CLEC3A: variants seen among roughly 807,000 people sequenced by gnomAD.
CLEC3A encodes the protein C-type (calcium dependent, carbohydrate-recognition domain) lectin, superfamily member 1 (cartilage-derived).
Under a neutral mutation model 20.4 loss-of-function variants are expected in CLEC3A, and 28 were observed. That is an observed-to-expected ratio of 1.37 (90% confidence interval 1.02 to 1.88). CLEC3A has a LOEUF of 1.88. Among genes scored for constraint, CLEC3A ranks in the 40% most tolerant of loss-of-function variants. The probability of loss-of-function intolerance (pLI) is 0.00; values close to 1 mark genes in which losing one functional copy is unlikely to be tolerated. For missense variants in CLEC3A, 357 were observed against 240.4 expected, an observed-to-expected ratio of 1.48 and a Z score of -3.21; for synonymous variants, 110 against 88.1, an observed-to-expected ratio of 1.25 and a Z score of -1.39.
rs541004698 is a variant in CLEC3A at position 78,030,821 on chromosome 16, G to A, written c.574G>A (p.Glu192Lys). The A allele has an allele frequency of 1.9e-6, 3 of 1,613,036 alleles. No individual in the cohort carries two copies. Among genetic ancestry groups the A allele is most frequent in the East Asian group, 2.2e-5 (1 of 44,854 alleles). ...ACRSSKRYICEFTIPQ is the reference protein window; with the variant it reads ...ACRSSKRYICKFTIPQ ...TCGCAGCAGCAAGAGATACATATGCGAGTTCACCATCCCTCAATAGGTCTT... is the reference window on the plus strand; with the variant it reads ...TCGCAGCAGCAAGAGATACATATGCAAGTTCACCATCCCTCAATAGGTCTT... The change falls in exon 3 of 3, where the codon GAG (glutamate) becomes AAG (lysine). Residue 192 changes from glutamate (E) to lysine (K), a missense_variant. By Grantham distance (56) the Glu-to-Lys change is moderately conservative. Coordinates refer to ENST00000299642, the MANE Select transcript of CLEC3A (RefSeq NM_005752.6).
rs2030088360 is a variant in CLEC3A, at chr16:78,031,045, T to C, written c.*204T>C. 3.6e-6 allele frequency: 2 copies of C among 554,470 alleles called. No homozygotes were observed. The highest frequency in any genetic ancestry group is 3.6e-5 in the Admixed American group (1 of 27,986). 34.3% of individuals were successfully genotyped at this position (554,470 alleles called of 1,614,324 possible). On this transcript the variant is annotated 3_prime_UTR_variant, in exon 3 of 3. Transcript: ENST00000299642. ...TTCCTGGGGTATAGGGGATCAGAAA[T>C]ATTGATCCATGTGCACGCAGATAAA...
chr16:78,026,102 C>T (rs1274041736), intron 1 of CLEC3A, among the ~76,000 whole-genome samples: 1 of 152,136 alleles, frequency 6.6e-6, no homozygotes. Context: ...AATGGTCACA[C>T]AGGTAAAAAT....
At chr16:78,030,173 G>C (rs910574651) in intron 2 of CLEC3A, among the ~76,000 whole-genome samples, 2 of 116,914 alleles carry the variant, frequency 1.7e-5, no homozygotes, top group Admixed American at 1.7e-4. Flanking sequence ...AAAAAAAAAT[G>C]CTAAGGTGTT....
chr16:78,030,485 C>T lies in CLEC3A; in HGVS notation c.238C>T (p.Leu80Phe). 1.2e-6 allele frequency: 2 copies of T among 1,611,728 alleles called. No homozygotes were observed. Among genetic ancestry groups the T allele is most frequent in the Non-Finnish European group, 1.7e-6 (2 of 1,178,504 alleles). Residue 80 changes from leucine (L) to phenylalanine (F), a missense_variant, in exon 3 of 3, where the codon CTT becomes TTT. Coordinates refer to ENST00000299642, the MANE Select transcript of CLEC3A (RefSeq NM_005752.6). The part of the protein sequence containing the change: ...RGTKVHKKCY[L>F]ASEGLKHFHE... ...CACTAAAGTTCACAAGAAATGCTAC[C>T]TTGCTTCAGAAGGTTTGAAGCATTT...
At chr16:78,028,690 G>T (rs1275187556) in intron 2 of CLEC3A, among the ~76,000 whole-genome samples, 3 of 152,242 alleles carry the variant, frequency 2.0e-5, no homozygotes, top group Non-Finnish European at 2.9e-5. Context: ...GAGGAAGTGA[G>T]CCATGTGGGC....
chr16:78,029,970 G>A (rs933387649), intron 2 of CLEC3A, among the ~76,000 whole-genome samples: 1 of 151,844 alleles, frequency 6.6e-6, no homozygotes. Flanking sequence ...TGGCTAACAC[G>A]GTGAAATCCC....
chr16:78,027,750 A>C (rs936634183), intron 1 of CLEC3A, among the ~76,000 whole-genome samples: 1 of 151,970 alleles, frequency 6.6e-6, no homozygotes, highest in East Asian at 1.9e-4. Context: ...CTGCCTCCCA[A>C]GTTGAAGCAG....
chr16:78,022,981 G>T (rs1317277788), intron 1 of CLEC3A, among the ~76,000 whole-genome samples: 3 of 152,140 alleles, frequency 2.0e-5, no homozygotes, highest in African/African-American at 7.2e-5. Flanking sequence ...GATAGTAAAA[G>T]AATTCTGTGT....
chr16:78,022,983 A>T (rs542315333), intron 1 of CLEC3A, among the ~76,000 whole-genome samples: 1 of 152,172 alleles, frequency 6.6e-6, no homozygotes, highest in Non-Finnish European at 1.5e-5. Flanking sequence ...TAGTAAAAGA[A>T]TTCTGTGTTG....
In CLEC3A at chr16:78,028,080, C is replaced by T. The variant is rs188623832; in HGVS notation, c.116-27C>T. 565 of 1,488,070 alleles carry T rather than the reference C, an allele frequency of 3.8e-4. 1 individual carries two copies. The Middle Eastern group carries it at 6.5e-3, about 17-fold the overall frequency. The allele number at this position is 1,488,070 out of a possible 1,614,324, so 92.2% of individuals were successfully genotyped here. A position where few individuals can be genotyped will look rare whatever the true frequency, so the allele number is the denominator to read the frequency against. ...AATCATACGCTTTTCATCCACCTAC[C>T]CCATCCCACCCTAAAATTTTCCCCA... On this transcript the variant is annotated intron_variant, in intron 1 of 2. Coordinates refer to ENST00000299642, the MANE Select transcript of CLEC3A (RefSeq NM_005752.6).
Position 78,031,492 on chromosome 16 carries a change from T to C in CLEC3A, c.*651T>C, listed in dbSNP as rs1922609. 6.6e-6 allele frequency: 1 copy of C among 151,824 alleles called. No individual in the cohort carries two copies. The highest frequency in any genetic ancestry group is 1.5e-5 in the Non-Finnish European group (1 of 67,950). 9.4% of individuals were successfully genotyped at this position (151,824 alleles called of 1,614,324 possible). A position where few individuals can be genotyped will look rare whatever the true frequency, so the allele number is the denominator to read the frequency against. On this transcript the variant is annotated 3_prime_UTR_variant, in exon 3 of 3. Transcript: ENST00000299642. ...GGAAGTTTCCAGCCGCAATTTGAAA[T>C]GAAATGACAAGGTGTATATTTGATC... is the stretch of plus-strand genomic sequence containing the variant.
intron 1 of CLEC3A, among the ~76,000 whole-genome samples, chr16:78,023,434 T>G (rs868485836): frequency 6.6e-6 from 1 of 152,096 alleles, no homozygotes; most frequent in Non-Finnish European, 1.5e-5. Flanking sequence ...GGTTAACAGG[T>G]TAAAGAAATT....
chr16:78,031,103 C>G lies in CLEC3A; in HGVS notation c.*262C>G. On this transcript the variant is annotated 3_prime_UTR_variant, in exon 3 of 3. Transcript: ENST00000299642. ...CTGCTAAACAGACTAAAATCTTTCT[C>G]TCTAGTCTTTCTCACTTGTACAAAC... is the stretch of plus-strand genomic sequence containing the variant. 1 of 348,862 alleles carries G rather than the reference C, an allele frequency of 2.9e-6. No homozygotes were observed. Among genetic ancestry groups the G allele is most frequent in the Non-Finnish European group, 5.1e-6 (1 of 195,088 alleles). The allele number at this position is 348,862 out of a possible 1,614,324, so 21.6% of individuals were successfully genotyped here.
At chr16:78,027,294 A>G (rs187379859) in intron 1 of CLEC3A, among the ~76,000 whole-genome samples, 131 of 152,360 alleles carry the variant, frequency 8.6e-4, no homozygotes, top group African/African-American at 3.1e-3. Context: ...AGACTAGAGA[A>G]TGAAGAAAAA....
intron 1 of CLEC3A, among the ~76,000 whole-genome samples, chr16:78,026,293 G>T (rs1289381844): frequency 6.6e-6 from 1 of 152,182 alleles, no homozygotes; most frequent in East Asian, 1.9e-4. Context: ...TAGCACATGT[G>T]AATTTTAGAC....
chr16:78,030,054 G>T (rs999789509), intron 2 of CLEC3A, among the ~76,000 whole-genome samples: 10 of 150,976 alleles, frequency 6.6e-5, no homozygotes, highest in Non-Finnish European at 1.3e-4. Flanking sequence ...TCGGGAGCCT[G>T]AGACGGGAGA....
chr16:78,026,304 T>A (rs1305694347), intron 1 of CLEC3A, among the ~76,000 whole-genome samples: 1 of 152,204 alleles, frequency 6.6e-6, no homozygotes, highest in Non-Finnish European at 1.5e-5. Flanking sequence ...AATTTTAGAC[T>A]GTCCTGAAAA....
Position 78,031,012 on chromosome 16 carries a change from T to C in CLEC3A, c.*171T>C, listed in dbSNP as rs1012312179. ...ATTTTGCTAACACATTTCTTTGGGATTTTGCCCTTCCTGGGGTATAGGGGA... is the reference window on the plus strand; with the variant it reads ...ATTTTGCTAACACATTTCTTTGGGACTTTGCCCTTCCTGGGGTATAGGGGA... On this transcript the variant is annotated 3_prime_UTR_variant, in exon 3 of 3. Coordinates refer to ENST00000299642, the MANE Select transcript of CLEC3A (RefSeq NM_005752.6). 9.8e-6 allele frequency: 7 copies of C among 714,138 alleles called. No homozygotes were observed. The highest frequency in any genetic ancestry group is 1.3e-5 in the Non-Finnish European group (6 of 451,276). 44.2% of individuals were successfully genotyped at this position (714,138 alleles called of 1,614,324 possible).
intron 1 of CLEC3A, among the ~76,000 whole-genome samples, chr16:78,026,986 A>G (rs1214576887): frequency 1.3e-5 from 2 of 152,230 alleles, no homozygotes; most frequent in South Asian, 2.1e-4. Context: ...CAAATCAGTC[A>G]GAGTATGAAT....
Sources: gnomAD v4.1 joint callset for allele counts (sites outside exome capture counted in the v4.1 genomes callset) on GRCh38, gnomAD v4.1.1 for gene constraint, MANE v1.5 for transcripts, NCBI Gene and HGNC (gene_info 2026-07-23, HGNC 2026-07-21) for gene names.